Variants in FAT3 observed in about 807,000 individuals in gnomAD.
FAT3 encodes protocadherin Fat 3.
A neutral mutation model predicts 310.2 loss-of-function variants in FAT3; 95 were observed. That is an observed-to-expected ratio of 0.31 (90% CI 0.26 to 0.36). The LOEUF is 0.36. Among genes scored for constraint, FAT3 ranks in the 10% least tolerant of loss-of-function variants. FAT3 has a pLI of 1.00. For missense variants in FAT3, 5,408 were observed against 5,715.6 expected, an observed-to-expected ratio of 0.95 and a Z score of 1.74; for synonymous variants, 2,314 against 2,192.9, an observed-to-expected ratio of 1.06 and a Z score of -1.54.
At chr11:92,841,388 T>C (rs527999484) in intron 18 of FAT3, among the ~76,000 whole-genome samples, 2 of 152,300 alleles carry the variant, frequency 1.3e-5, no homozygotes, top group East Asian at 3.9e-4. Flanking sequence ...CACTGTTGCT[T>C]ACAGAGGGCA....
intron 3 of FAT3, among the ~76,000 whole-genome samples, chr11:92,567,331 A>G (rs1955496526): frequency 6.7e-6 from 1 of 149,490 alleles, no homozygotes; most frequent in Non-Finnish European, 1.5e-5. Flanking sequence ...CAAAACCACA[A>G]TGAGATACCA....
At chr11:92,819,749 G>A (rs1947911753) in intron 13 of FAT3, among the ~76,000 whole-genome samples, 1 of 152,032 alleles carries the variant, frequency 6.6e-6, no homozygotes, top group African/African-American at 2.4e-5. Flanking sequence ...TCAAAGTAGT[G>A]GTAAGTAGAG....
At chr11:92,580,095 T>G (rs577998426) in intron 3 of FAT3, among the ~76,000 whole-genome samples, 4 of 152,206 alleles carry the variant, frequency 2.6e-5, no homozygotes, top group Non-Finnish European at 5.9e-5. Context: ...TTTTGTTATT[T>G]TTGTTAAATT....
rs1340987078 is a variant in FAT3, at chr11:92,336,140, G to C, written c.-17-15956G>C. 9.2e-6 allele frequency: 5 copies of C among 542,196 alleles called. No homozygotes were observed. In the East Asian group the frequency reaches 1.9e-4, roughly 21 times the overall value. The allele number at this position is 542,196 out of a possible 1,614,324, so 33.6% of individuals were successfully genotyped here. A position where few individuals can be genotyped will look rare whatever the true frequency, so the allele number is the denominator to read the frequency against. On this transcript the variant is annotated intron_variant, in intron 1 of 27. Coordinates refer to ENST00000525166, the MANE Select transcript of FAT3 (RefSeq NM_001367949.2). ...ATTTCACAAGCATCTCAGCTCTGCAGTGGGCCCACTCTCGCATCCTGTAAT... is the reference window on the plus strand; with the variant it reads ...ATTTCACAAGCATCTCAGCTCTGCACTGGGCCCACTCTCGCATCCTGTAAT...
chr11:92,684,835 T>C (rs1452497214), intron 3 of FAT3, among the ~76,000 whole-genome samples: 1 of 152,190 alleles, frequency 6.6e-6, no homozygotes, highest in Admixed American at 6.6e-5. Flanking sequence ...GATTTACATT[T>C]CTTTTTCTTT....
At chr11:92,436,386 C>G (rs1318739004) in intron 2 of FAT3, among the ~76,000 whole-genome samples, 1 of 152,200 alleles carries the variant, frequency 6.6e-6, no homozygotes, top group African/African-American at 2.4e-5. Flanking sequence ...AAGCGATCCA[C>G]CTGCCTCAGT....
chr11:92,461,512 G>A (rs771180220), intron 2 of FAT3, among the ~76,000 whole-genome samples: 6 of 152,132 alleles, frequency 3.9e-5, no homozygotes, highest in South Asian at 2.1e-4. Flanking sequence ...ACAAGGGTGG[G>A]TATGGTGATG....
chr11:92,815,084 T>C (rs192086233), intron 13 of FAT3, among the ~76,000 whole-genome samples: 119 of 152,236 alleles, frequency 7.8e-4, no homozygotes, highest in South Asian at 5.0e-3. Context: ...GGCCACTTAA[T>C]TAAACAGATG....
chr11:92,844,803 A>T, intron 19 of FAT3, 71 bp downstream of exon 19: 1 of 1,395,728 alleles, frequency 7.2e-7, no homozygotes, highest in South Asian at 1.5e-5. Flanking sequence ...CCATTCCAGC[A>T]TGCCTGCATT....
At chr11:92,742,081 A>C (rs1318198741) in intron 4 of FAT3, among the ~76,000 whole-genome samples, 1 of 152,236 alleles carries the variant, frequency 6.6e-6, no homozygotes, top group African/African-American at 2.4e-5. Context: ...GGATGCTGCC[A>C]GTACAATGGA....
At chr11:92,311,037 T>C (rs1947288886) in intron 1 of FAT3, among the ~76,000 whole-genome samples, 2 of 151,722 alleles carry the variant, frequency 1.3e-5, no homozygotes, top group Admixed American at 6.6e-5. Context: ...TATATATACA[T>C]ACACATATAT....
intron 2 of FAT3, among the ~76,000 whole-genome samples, chr11:92,482,419 G>A (rs542289778): frequency 1.3e-5 from 2 of 152,204 alleles, no homozygotes; most frequent in South Asian, 2.1e-4. Context: ...CAACAGTCCT[G>A]TTAGGAGGTG....
At chr11:92,446,070 A>G (rs1469660698) in intron 2 of FAT3, among the ~76,000 whole-genome samples, 10 of 152,180 alleles carry the variant, frequency 6.6e-5, no homozygotes, top group Non-Finnish European at 2.9e-5. Context: ...TGTCATGTGC[A>G]GTCAAATATA....
At chr11:92,719,960 C>T (rs1944815487) in intron 4 of FAT3, among the ~76,000 whole-genome samples, 2 of 152,062 alleles carry the variant, frequency 1.3e-5, no homozygotes, top group African/African-American at 2.4e-5. Context: ...GCAGAAGTGG[C>T]GTGTTCTTTA....
At chr11:92,819,750 G>A (rs554874152) in intron 13 of FAT3, among the ~76,000 whole-genome samples, 2 of 152,260 alleles carry the variant, frequency 1.3e-5, no homozygotes, top group South Asian at 4.1e-4. Context: ...CAAAGTAGTG[G>A]TAAGTAGAGG....
In FAT3 at chr11:92,698,724, T is replaced by A. The variant is rs1408098707; in HGVS notation, c.3669+1279T>A. On this transcript the variant is annotated intron_variant, in intron 4 of 27. Coordinates refer to ENST00000525166, the MANE Select transcript of FAT3 (RefSeq NM_001367949.2). ...AGTAATTCTTTTTTCAAAATCCTTT[T>A]AACAGGATGCAGTACCTACCTGGTC... Among the ~76,000 whole-genome samples the A allele has an allele frequency of 3.3e-5, 5 of 152,164 alleles. No individual in the cohort carries two copies. The East Asian group carries it at 9.6e-4, about 29-fold the overall frequency.
chr11:92,807,491 G>A (rs764803253), intron 12 of FAT3, among the ~76,000 whole-genome samples: 10 of 152,090 alleles, frequency 6.6e-5, no homozygotes, highest in Non-Finnish European at 1.0e-4. Context: ...TCAAGTAAGC[G>A]GACATCTCTG....
At position 92,882,978 on chromosome 11, in the gene FAT3, C is replaced by G. The variant is rs780953610; in HGVS notation, c.12522C>G (p.Val4174=). ...VIFILVVLFI[V]FRKKVFRKNY... is the part of the protein sequence containing the mutation. ...TCATCCTGGTGGTTCTCTTCATAGT[C>G]TTCCGCAAGAAGGTCTTCCGCAAGA... Residue 4174 remains valine (V), a synonymous_variant, in exon 24 of 28, where the codon GTC becomes GTG. Transcript: ENST00000525166. 9 of 1,613,822 alleles carry G rather than the reference C, an allele frequency of 5.6e-6. No individual in the cohort carries two copies. The East Asian group carries it at 1.8e-4, about 32-fold the overall frequency.
intron 3 of FAT3, among the ~76,000 whole-genome samples, chr11:92,585,631 T>A (rs753774740): frequency 1.1e-4 from 17 of 152,038 alleles, no homozygotes; most frequent in Non-Finnish European, 2.4e-4. Context: ...ACATGATTGT[T>A]GTTTTAAGAT....
Sources: gnomAD v4.1 joint callset for allele counts (sites outside exome capture counted in the v4.1 genomes callset) on GRCh38, gnomAD v4.1.1 for gene constraint, MANE v1.5 for transcripts, NCBI Gene and HGNC (gene_info 2026-07-23, HGNC 2026-07-21) for gene names.